Variants in TPMT observed in about 807,000 individuals in gnomAD.
TPMT encodes the protein S-adenosyl-L-methionine:thiopurine S-methyltransferase.
TPMT carries 18 observed loss-of-function variants against 34.2 expected under a neutral mutation model. The ratio of observed to expected loss-of-function variants is 0.53; its 90% CI spans 0.36 to 0.78. The LOEUF is 0.78. TPMT is among the 30% of genes least tolerant of loss of function. The pLI is 0.00. For synonymous variants in TPMT, 69 were observed against 92.4 expected (o/e 0.75, Z 1.45); for missense variants, 265 against 288.1 (o/e 0.92, Z 0.58).
At chr6:18,147,752 C>T (rs1467233422) in intron 3 of TPMT, 71 bp downstream of exon 3, 6 of 1,413,720 alleles carry the variant, frequency 4.2e-6, no homozygotes, top group Non-Finnish European at 6.0e-6. Context: ...TTAAAACTCA[C>T]ATCCTGTTAA....
chr6:18,134,779 G>C (rs1279447253), intron 6 of TPMT, among the ~76,000 whole-genome samples: 1 of 152,220 alleles, frequency 6.6e-6, no homozygotes, highest in African/African-American at 2.4e-5. Context: ...GACCGTTGAA[G>C]GCAAGTCAGC....
chr6:18,137,963 A>G (rs1420109410), intron 6 of TPMT, among the ~76,000 whole-genome samples: 2 of 152,062 alleles, frequency 1.3e-5, no homozygotes, highest in East Asian at 3.9e-4. Flanking sequence ...TATTTTTAGT[A>G]GAGATGGGGT....
At position 18,131,594 on chromosome 6, in the gene TPMT, TA is replaced by T. The variant is rs1055599090; in HGVS notation, c.625+538del. 6.6e-5 allele frequency among the ~76,000 whole-genome samples: 10 copies of T among 150,922 alleles called. No homozygotes were observed. Among genetic ancestry groups the T allele is most frequent in the Middle Eastern group, 3.4e-3 (1 of 292 alleles). On this transcript the variant is annotated intron_variant, in intron 8 of 8. Coordinates refer to ENST00000309983, the MANE Select transcript of TPMT (RefSeq NM_000367.5). This position sits in a 1 kb window ranked among gnomAD's most constrained non-coding sequence, Gnocchi z 4.3. Reference sequence around the variant, plus strand: ...AGATCCTATCTCAAAAATAAACAAATAAAAAAAAATATACCATCTCTCTAGA... The same window carrying T: ...AGATCCTATCTCAAAAATAAACAAATAAAAAAAATATACCATCTCTCTAGA...
At position 18,145,819 on chromosome 6, in the gene TPMT, G is replaced by A. The variant is rs909242582; in HGVS notation, c.233+2004C>T. 6.6e-6 allele frequency among the ~76,000 whole-genome samples: 1 copy of A among 152,044 alleles called. No individual in the cohort carries two copies. Among genetic ancestry groups the A allele is most frequent in the Admixed American group, 6.6e-5 (1 of 15,248 alleles). On this transcript the variant is annotated intron_variant, in intron 3 of 8. Transcript: ENST00000309983. This position sits in a 1 kb window ranked among gnomAD's most constrained non-coding sequence, Gnocchi z 5.6. ...AATGAAGCATAGCCTACTACAACCT[G>A]TAATAAAAACAAAATAAGACCAAGT...
chr6:18,149,279 C>A lies in TPMT; in HGVS notation c.-44-108G>T. ...GCAGTATGACTTTTTAAAAATATTT[C>A]TTTCTTTTTTTATTTCTGGTTTTAT... On this transcript the variant is annotated intron_variant, in intron 1 of 8. Coordinates refer to ENST00000309983, the MANE Select transcript of TPMT (RefSeq NM_000367.5). The surrounding 1 kb of genome is among the most constrained non-coding windows in gnomAD (Gnocchi z 5.0). 9.7e-7 allele frequency: 1 copy of A among 1,035,540 alleles called. No homozygotes were observed. Among genetic ancestry groups the A allele is most frequent in the Non-Finnish European group, 1.4e-6 (1 of 709,630 alleles). The allele number at this position is 1,035,540 out of a possible 1,614,324, so 64.1% of individuals were successfully genotyped here. A position where few individuals can be genotyped will look rare whatever the true frequency, so the allele number is the denominator to read the frequency against.
Position 18,141,027 on chromosome 6 carries a change from G to A in TPMT, c.367-1310C>T, listed in dbSNP as rs928112707. On this transcript the variant is annotated intron_variant, in intron 4 of 8. Coordinates refer to ENST00000309983, the MANE Select transcript of TPMT (RefSeq NM_000367.5). ...GGGCCTGGAGGCAGGAGAACAGCTG[G>A]ATCTCAACTTTGCCTGCAGATTGGA... Among the ~76,000 whole-genome samples the A allele has an allele frequency of 3.9e-5, 6 of 152,280 alleles. No individual in the cohort carries two copies. In the East Asian group the frequency reaches 1.2e-3, roughly 29 times the overall value.
In TPMT at chr6:18,130,268, A is replaced by G. The variant is rs1331970642; in HGVS notation, c.*400T>C. 1 of 190,172 alleles carries G rather than the reference A, an allele frequency of 5.3e-6. No homozygotes were observed. The highest frequency in any genetic ancestry group is 1.1e-5 in the Non-Finnish European group (1 of 92,350). 11.8% of individuals were successfully genotyped at this position (190,172 alleles called of 1,614,324 possible). On this transcript the variant is annotated 3_prime_UTR_variant, in exon 9 of 9. Transcript: ENST00000309983. This position sits in a 1 kb window ranked among gnomAD's most constrained non-coding sequence, Gnocchi z 4.2. ...CCATTGCACTCCAGGTTGGGCAACA[A>G]GAACGAAACTCCATCTCAAAAAAAT... is the stretch of plus-strand genomic sequence containing the variant.
chr6:18,134,622 G>T (rs1009579122), intron 6 of TPMT, among the ~76,000 whole-genome samples: 4 of 152,148 alleles, frequency 2.6e-5, no homozygotes, highest in South Asian at 4.1e-4. Context: ...CAGAAGCCAG[G>T]GCTGGACCAG....
chr6:18,141,195 T>G (rs1784132177), intron 4 of TPMT, among the ~76,000 whole-genome samples: 1 of 152,066 alleles, frequency 6.6e-6, no homozygotes, highest in South Asian at 2.1e-4. Flanking sequence ...GGCGGGGAAC[T>G]GCTGCTCCAA....
In TPMT at chr6:18,139,653, T is replaced by C. The variant is rs1216107508; in HGVS notation, c.419+12A>G. ...CAAATTTTTTAAAGTGCAGATGTAG[T>C]ATTCAACCTACCTGGGAAGATCAAA... is the stretch of plus-strand genomic sequence containing the variant. On this transcript the variant is annotated intron_variant, in intron 5 of 8. Transcript: ENST00000309983. The surrounding 1 kb of genome is among the most constrained non-coding windows in gnomAD (Gnocchi z 4.2). 2.9e-5 allele frequency: 47 copies of C among 1,610,364 alleles called. No individual in the cohort carries two copies. Among genetic ancestry groups the C allele is most frequent in the Non-Finnish European group, 3.8e-5 (45 of 1,176,942 alleles).
chr6:18,152,589 TTC>T (rs1215288561), intron 1 of TPMT, among the ~76,000 whole-genome samples: 25 of 138,156 alleles, frequency 1.8e-4, no homozygotes, highest in South Asian at 4.3e-4. Flanking sequence ...TTTTCTTTCT[TTC>T]TTTTTTTTTT....
At chr6:18,137,078 C>A (rs1784055062) in intron 6 of TPMT, among the ~76,000 whole-genome samples, 1 of 150,912 alleles carries the variant, frequency 6.6e-6, no homozygotes, top group South Asian at 2.1e-4. Flanking sequence ...ACTGATGAAA[C>A]AATTTTTAAA....
rs73724425 is a variant in TPMT, at chr6:18,143,869, G to A, written c.234-141C>T. The stretch of plus-strand genomic sequence containing the variant: ...TCATAGGGTTTCAAAGAACATGCAG[G>A]AAAGCAGATCTATATTATTTTCAAA... On this transcript the variant is annotated intron_variant, in intron 3 of 8. Transcript: ENST00000309983. This position sits in a 1 kb window ranked among gnomAD's most constrained non-coding sequence, Gnocchi z 6.1. The A allele has an allele frequency of 0.013, 13,773 of 1,084,014 alleles. 1,153 individuals carry two copies. In the African/African-American group the frequency reaches 0.21, roughly 16 times the overall value. The allele number at this position is 1,084,014 out of a possible 1,614,324, so 67.1% of individuals were successfully genotyped here.
chr6:18,141,443 G>A (rs537858587), intron 4 of TPMT, among the ~76,000 whole-genome samples: 10 of 151,606 alleles, frequency 6.6e-5, no homozygotes, highest in South Asian at 2.1e-4. Context: ...AGGTTCAAGC[G>A]ATTCTCCTGC....
rs1784104606 is a variant in TPMT, at chr6:18,139,578, G to C, written c.419+87C>G. ...TTGTGGATGTTACACAGGAGGAAGA[G>C]AGTGAGGAAGACACCTCCACTCCCA... On this transcript the variant is annotated intron_variant, in intron 5 of 8. Transcript: ENST00000309983. The surrounding 1 kb of genome is among the most constrained non-coding windows in gnomAD (Gnocchi z 4.2). 4 of 1,051,332 alleles carry C rather than the reference G, an allele frequency of 3.8e-6. No homozygotes were observed. The highest frequency in any genetic ancestry group is 4.7e-5 in the East Asian group (2 of 42,298). 65.1% of individuals were successfully genotyped at this position (1,051,332 alleles called of 1,614,324 possible).
At position 18,150,949 on chromosome 6, in the gene TPMT, T is replaced by C. The variant is rs955749235; in HGVS notation, c.-44-1778A>G. 6.6e-6 allele frequency among the ~76,000 whole-genome samples: 1 copy of C among 152,128 alleles called. No individual in the cohort carries two copies. On this transcript the variant is annotated intron_variant, in intron 1 of 8. Transcript: ENST00000309983. This position sits in a 1 kb window ranked among gnomAD's most constrained non-coding sequence, Gnocchi z 5.3. The stretch of plus-strand genomic sequence containing the variant: ...GGCTGGTCTTGAACTCCTGGCCTCA[T>C]GTGATTCACCAGCCTCGGCTTCCCA...
intron 6 of TPMT, among the ~76,000 whole-genome samples, chr6:18,134,858 A>G (rs570980663): frequency 1.3e-5 from 2 of 152,194 alleles, no homozygotes; most frequent in Non-Finnish European, 2.9e-5. Context: ...AGGGTGGTAG[A>G]GAGGCCATGA....
rs1337118525 is a variant in TPMT, at chr6:18,150,269, C to T, written c.-44-1098G>A. ...TGAAGAGATGTGTTAGCTACAGGAC[C>T]TTCACCTGTTGAGCTATTAGGAGGC... On this transcript the variant is annotated intron_variant, in intron 1 of 8. Coordinates refer to ENST00000309983, the MANE Select transcript of TPMT (RefSeq NM_000367.5). This position sits in a 1 kb window ranked among gnomAD's most constrained non-coding sequence, Gnocchi z 5.3. Among the ~76,000 whole-genome samples, 1 of 152,192 alleles carries T rather than the reference C, an allele frequency of 6.6e-6. No individual in the cohort carries two copies. Among genetic ancestry groups the T allele is most frequent in the East Asian group, 1.9e-4 (1 of 5,202 alleles).
In TPMT at chr6:18,131,997, G is replaced by T; in HGVS notation, c.625+136C>A. On this transcript the variant is annotated intron_variant, in intron 8 of 8. Transcript: ENST00000309983. This position sits in a 1 kb window ranked among gnomAD's most constrained non-coding sequence, Gnocchi z 4.3. ...TCGCCATGTTGGCCAGGCTGGTCTC[G>T]AACTCCTGGCCTCAGGTGATCTGCC... The T allele has an allele frequency of 4.7e-6, 4 of 855,912 alleles. No homozygotes were observed. Among genetic ancestry groups the T allele is most frequent in the Non-Finnish European group, 5.8e-6 (3 of 517,728 alleles). 53.0% of individuals were successfully genotyped at this position (855,912 alleles called of 1,614,324 possible). A position where few individuals can be genotyped will look rare whatever the true frequency, so the allele number is the denominator to read the frequency against.
Sources: gnomAD v4.1 joint callset for allele counts (sites outside exome capture counted in the v4.1 genomes callset) on GRCh38, gnomAD v4.1.1 for gene constraint, Gnocchi (gnomAD v3.1) non-coding constraint, MANE v1.5 for transcripts, NCBI Gene and HGNC (gene_info 2026-07-23, HGNC 2026-07-21) for gene names.